PTPRN2: variants seen among roughly 807,000 people sequenced by gnomAD.
PTPRN2 encodes protein tyrosine phosphatase receptor type N2.
Under a neutral mutation model 118.8 loss-of-function variants are expected in PTPRN2, and 74 were observed. That is an observed-to-expected ratio of 0.62 (90% CI 0.52 to 0.76). The LOEUF is 0.76. Among genes scored for constraint, PTPRN2 ranks in the 30% least tolerant of loss-of-function variants. PTPRN2 has a pLI of 0.00. For missense variants in PTPRN2, 1,481 were observed against 1,394.4 expected, an observed-to-expected ratio of 1.06 and a Z score of -0.99; for synonymous variants, 641 against 608.0, an observed-to-expected ratio of 1.05 and a Z score of -0.80.
intron 2 of PTPRN2, among the ~76,000 whole-genome samples, chr7:158,454,582 G>A (rs964943035): frequency 6.7e-5 from 10 of 150,012 alleles, no homozygotes; most frequent in Admixed American, 2.7e-4. Context: ...GATTGGGGAC[G>A]GTTGCTACAG....
At chr7:158,138,554 G>A in intron 6 of PTPRN2, 39 bp from the exon 7 acceptor site, 1 of 1,583,782 alleles carries the variant, frequency 6.3e-7, no homozygotes, top group Non-Finnish European at 8.6e-7. Flanking sequence ...GTTGTGGGTG[G>A]ACGAATGCAA....
intron 2 of PTPRN2, among the ~76,000 whole-genome samples, chr7:158,318,753 C>G (rs367799783): frequency 2.6e-5 from 4 of 152,238 alleles, no homozygotes; most frequent in African/African-American, 9.6e-5. Context: ...AATGCACCCC[C>G]GGGGTGGACG....
At chr7:157,704,258 C>T (rs1334309178) in intron 12 of PTPRN2, among the ~76,000 whole-genome samples, 1 of 152,128 alleles carries the variant, frequency 6.6e-6, no homozygotes, top group Non-Finnish European at 1.5e-5. Flanking sequence ...ATGAACTGAT[C>T]CCGGGAGCTC....
At chr7:157,945,526 C>G (rs1445012618) in intron 11 of PTPRN2, among the ~76,000 whole-genome samples, 2 of 152,202 alleles carry the variant, frequency 1.3e-5, no homozygotes, top group East Asian at 3.9e-4. Context: ...CCAACTCAGA[C>G]AAAGCCGTCT....
At position 158,166,453 on chromosome 7, in the gene PTPRN2, C is replaced by T. The variant is rs13310163; in HGVS notation, c.910+478G>A. 4.6e-4 allele frequency among the ~76,000 whole-genome samples: 8 copies of T among 17,320 alleles called. 3 individuals are homozygous for T. Among genetic ancestry groups the T allele is most frequent in the Admixed American group, 3.2e-3 (3 of 940 alleles). 11.4% of individuals were successfully genotyped at this position (17,320 alleles called of 152,430 possible). ...CCCTGTCCTCACACCCTCAGGATCACCTCCCCTCCCACTGGCCACTGTGTT... is the reference window on the plus strand; with the variant it reads ...CCCTGTCCTCACACCCTCAGGATCATCTCCCCTCCCACTGGCCACTGTGTT... On this transcript the variant is annotated intron_variant, in intron 6 of 22. Transcript: ENST00000389418.
chr7:158,145,419 C>A (rs10233121), intron 6 of PTPRN2, among the ~76,000 whole-genome samples: 28 of 152,328 alleles, frequency 1.8e-4, no homozygotes, highest in Non-Finnish European at 3.5e-4. Flanking sequence ...GTACAGTGAG[C>A]GCCACACTCA....
At chr7:157,983,909 C>T (rs1380587680) in intron 11 of PTPRN2, among the ~76,000 whole-genome samples, 1 of 152,172 alleles carries the variant, frequency 6.6e-6, no homozygotes, top group Non-Finnish European at 1.5e-5. Flanking sequence ...TGTTCTGGGG[C>T]TGTTGCTGAA....
intron 10 of PTPRN2, among the ~76,000 whole-genome samples, chr7:158,085,628 C>T (rs371307904): frequency 2.4e-5 from 3 of 126,132 alleles, no homozygotes; most frequent in Admixed American, 7.9e-5. Flanking sequence ...TCCACACCCT[C>T]GACGCCCATC....
At chr7:157,565,243 A>G (rs1213045086) in intron 21 of PTPRN2, among the ~76,000 whole-genome samples, 1 of 152,152 alleles carries the variant, frequency 6.6e-6, no homozygotes, top group Non-Finnish European at 1.5e-5. Context: ...CCCACCGTCC[A>G]CTCACATTCA....
At chr7:158,078,000 A>G (rs1812506274) in intron 11 of PTPRN2, among the ~76,000 whole-genome samples, 1 of 152,248 alleles carries the variant, frequency 6.6e-6, no homozygotes, top group East Asian at 1.9e-4. Context: ...TATTTTTAAT[A>G]TTCACTAATA....
At chr7:158,267,415 G>A (rs1797959387) in intron 3 of PTPRN2, among the ~76,000 whole-genome samples, 1 of 152,236 alleles carries the variant, frequency 6.6e-6, no homozygotes, top group Admixed American at 6.5e-5. Context: ...CAGGGAGCAT[G>A]TTTTTGTGTG....
Position 158,205,216 on chromosome 7 carries a change from A to T in PTPRN2, c.335T>A (p.Leu112His), listed in dbSNP as rs756250502. The T allele has an allele frequency of 2.5e-6, 4 of 1,614,140 alleles. No individual in the cohort carries two copies. Among genetic ancestry groups the T allele is most frequent in the Non-Finnish European group, 3.4e-6 (4 of 1,180,022 alleles). The change falls in exon 4 of 23, where the codon CTC becomes CAC. Residue 112 changes from leucine to histidine, a missense_variant. Physicochemically the swap from Leu to His is moderately conservative, Grantham distance 99 (BLOSUM62 -3). This residue lies in a region of PTPRN2 where 1,115 missense variants were observed against 994.2 expected (regional missense o/e 1.12). Coordinates refer to ENST00000389418, the MANE Select transcript of PTPRN2 (RefSeq NM_002847.5). ...QYVMDQELAD[L>H]PKTYLRRPEA... ...AGGACGCCTCAGGTAGGTTTTCGGG[A>T]GGTCTGCAAGTTCCTGGTCCATCAC...
At chr7:158,272,354 T>G (rs1318959845) in intron 3 of PTPRN2, among the ~76,000 whole-genome samples, 5 of 152,198 alleles carry the variant, frequency 3.3e-5, no homozygotes, top group Admixed American at 6.5e-5. Flanking sequence ...GGATGAGAAT[T>G]GCAGCAGAGC....
At position 157,615,426 on chromosome 7, in the gene PTPRN2, C is replaced by T. The variant is rs892545861; in HGVS notation, c.2344+5936G>A. 13 of 470,986 alleles carry T rather than the reference C, an allele frequency of 2.8e-5. No individual in the cohort carries two copies. Among genetic ancestry groups the T allele is most frequent in the South Asian group, 7.7e-5 (5 of 64,576 alleles). The allele number at this position is 470,986 out of a possible 1,614,324, so 29.2% of individuals were successfully genotyped here. On this transcript the variant is annotated intron_variant, in intron 15 of 22. Coordinates refer to ENST00000389418, the MANE Select transcript of PTPRN2 (RefSeq NM_002847.5). The surrounding 1 kb of genome is among the most constrained non-coding windows in gnomAD (Gnocchi z 4.3). ...CCCTGTGTGAATCTCAGGGCTGTTT[C>T]GAGGATGAAAAGGAGGTGTTTAGCC...
intron 3 of PTPRN2, among the ~76,000 whole-genome samples, chr7:158,301,359 T>G (rs1800876558): frequency 6.6e-6 from 1 of 152,230 alleles, no homozygotes; most frequent in African/African-American, 2.4e-5. Context: ...CTGTTTGCAT[T>G]AATATGCGCT....
chr7:157,544,452 G>A (rs1481378427), intron 22 of PTPRN2, among the ~76,000 whole-genome samples: 1 of 152,224 alleles, frequency 6.6e-6, no homozygotes, highest in African/African-American at 2.4e-5. Flanking sequence ...GAAGAAAATG[G>A]GGAAGAAACT....
intron 11 of PTPRN2, among the ~76,000 whole-genome samples, chr7:158,054,636 G>A (rs189270763): frequency 1.8e-4 from 28 of 152,288 alleles, no homozygotes; most frequent in African/African-American, 5.5e-4. Context: ...GCCCTTTGGC[G>A]GGCCCAGTAA....
In PTPRN2 at chr7:158,103,349, A is replaced by G. The variant is rs75690045; in HGVS notation, c.1643+7480T>C. Among the ~76,000 whole-genome samples, 776 of 152,354 alleles carry G rather than the reference A, an allele frequency of 5.1e-3. 26 individuals carry two copies. In the East Asian group the frequency reaches 0.098, roughly 19 times the overall value. ...CACTTGATGGCAGGTGGCTCCTTCC[A>G]GTTCAAAGTAAGAGGTAAAAAGCCT... On this transcript the variant is annotated intron_variant, in intron 10 of 22. Coordinates refer to ENST00000389418, the MANE Select transcript of PTPRN2 (RefSeq NM_002847.5).
In PTPRN2 at chr7:158,053,948, T is replaced by C. The variant is rs369257048; in HGVS notation, c.1723+27350A>G. 1.2e-3 allele frequency among the ~76,000 whole-genome samples: 175 copies of C among 141,680 alleles called. 4 individuals are homozygous for C. In the East Asian group the frequency reaches 0.024, roughly 19 times the overall value. 92.9% of individuals were successfully genotyped at this position (141,680 alleles called of 152,430 possible). A position where few individuals can be genotyped will look rare whatever the true frequency, so the allele number is the denominator to read the frequency against. ...TCCAGAGACGCAGAGACTCCAGAGA[T>C]GCAGAGACCCCAGAGATGCAGAGAC... On this transcript the variant is annotated intron_variant, in intron 11 of 22. Transcript: ENST00000389418.
Sources: allele counts gnomAD v4.1 joint callset (sites outside exome capture counted in the v4.1 genomes callset), GRCh38; gene constraint gnomAD v4.1.1; regional missense constraint gnomAD v4.1.1; non-coding constraint Gnocchi (gnomAD v3.1); transcripts MANE v1.5; gene names NCBI Gene and HGNC (gene_info 2026-07-23, HGNC 2026-07-21).